The following ALPK1 variants were observed in gnomAD, a reference collection of about 807,000 sequenced individuals.
The protein encoded by ALPK1 is alpha-protein kinase 1.
ALPK1 carries 110 observed loss-of-function variants against 120.6 expected under a neutral mutation model. The observed-to-expected ratio is 0.91, with a 90% CI of 0.78 to 1.07. ALPK1 has a LOEUF of 1.07. Ranked by LOEUF, ALPK1 falls within the 50% of genes least tolerant of loss-of-function variation. The pLI, the probability that ALPK1 is intolerant of heterozygous loss-of-function variation, is 0.00. For missense variants in ALPK1, 1,498 were observed against 1,483.9 expected, an observed-to-expected ratio of 1.01 and a Z score of -0.16; for synonymous variants, 582 against 560.3, an observed-to-expected ratio of 1.04 and a Z score of -0.55.
At chr4:112,326,786 T>C (rs1341263224) in intron 2 of ALPK1, among the ~76,000 whole-genome samples, 1 of 152,178 alleles carries the variant, frequency 6.6e-6, no homozygotes, top group Non-Finnish European at 1.5e-5. Flanking sequence ...AATCTAGGCA[T>C]TGTTGATTGA....
At chr4:112,340,166 G>T (rs992599305) in intron 2 of ALPK1, among the ~76,000 whole-genome samples, 3 of 152,230 alleles carry the variant, frequency 2.0e-5, no homozygotes, top group Admixed American at 6.5e-5. Context: ...CTGCTGCTGT[G>T]GCCACATGTA....
chr4:112,426,813 A>T (rs1243694598), intron 8 of ALPK1, among the ~76,000 whole-genome samples: 1 of 152,154 alleles, frequency 6.6e-6, no homozygotes, highest in East Asian at 1.9e-4. Context: ...CCATTCATTT[A>T]TCTGTTTTGT....
At chr4:112,309,626 G>T (rs1728307371) in intron 1 of ALPK1, among the ~76,000 whole-genome samples, 3 of 152,036 alleles carry the variant, frequency 2.0e-5, no homozygotes, top group South Asian at 2.1e-4. Flanking sequence ...CATTGCTCAC[G>T]CTGGGAGCTG....
intron 4 of ALPK1, among the ~76,000 whole-genome samples, chr4:112,387,167 A>C (rs891337192): frequency 5.9e-5 from 9 of 152,194 alleles, no homozygotes; most frequent in African/African-American, 1.9e-4. Flanking sequence ...GATGCCGGGG[A>C]AGGACTCAAC....
chr4:112,346,154 C>T lies in ALPK1; in HGVS notation c.-101+30302C>T, dbSNP rs72896927. On this transcript the variant is annotated intron_variant, in intron 2 of 15. Transcript: ENST00000650871. ...CTGGGATTACAGGTGTGAGCCACCA[C>T]GTCCAGCTGATATGAACTCTTTTTA... Among the ~76,000 whole-genome samples, 1,150 of 152,312 alleles carry T rather than the reference C, an allele frequency of 7.6e-3. 18 individuals carry two copies. The highest frequency in any genetic ancestry group is 0.026 in the African/African-American group (1,089 of 41,564).
intron 2 of ALPK1, among the ~76,000 whole-genome samples, chr4:112,330,498 G>T (rs1729319101): frequency 1.3e-5 from 2 of 152,116 alleles, no homozygotes; most frequent in South Asian, 4.1e-4. Flanking sequence ...ATTGGCTACG[G>T]TCCTTGTTTT....
intron 1 of ALPK1, among the ~76,000 whole-genome samples, chr4:112,311,555 T>C (rs1728401028): frequency 6.6e-6 from 1 of 152,228 alleles, no homozygotes; most frequent in Non-Finnish European, 1.5e-5. Context: ...CTGCCAATTC[T>C]CTGTTTAGAT....
chr4:112,364,542 A>G (rs1036522447), intron 2 of ALPK1, among the ~76,000 whole-genome samples: 12 of 152,148 alleles, frequency 7.9e-5, no homozygotes, highest in African/African-American at 2.7e-4. Flanking sequence ...AAGACCAATA[A>G]CAAGCAGTGA....
chr4:112,327,508 C>A (rs569738502), intron 2 of ALPK1, among the ~76,000 whole-genome samples: 1 of 152,284 alleles, frequency 6.6e-6, no homozygotes, highest in African/African-American at 2.4e-5. Flanking sequence ...TATCATAGCT[C>A]ACTATAACCT....
intron 4 of ALPK1, among the ~76,000 whole-genome samples, chr4:112,408,321 A>T (rs1733289020): frequency 6.6e-6 from 1 of 152,196 alleles, no homozygotes; most frequent in Non-Finnish European, 1.5e-5. Flanking sequence ...GTAGCTGAAG[A>T]TACAAAACAA....
In ALPK1 at chr4:112,430,919, A is replaced by G. The variant is rs73841022; in HGVS notation, c.1372A>G (p.Thr458Ala). 36,617 of 1,614,184 alleles carry G rather than the reference A, an allele frequency of 0.023. 492 individuals carry two copies. Among genetic ancestry groups the G allele is most frequent in the Middle Eastern group, 0.044 (266 of 6,062 alleles). The change falls in exon 11 of 16, where the codon ACC becomes GCC. Residue 458 changes from threonine to alanine, a missense_variant. By Grantham distance (58) the Thr-to-Ala change is moderately conservative. Coordinates refer to ENST00000650871, the MANE Select transcript of ALPK1 (RefSeq NM_025144.4). Reference protein sequence around the residue: ...GQGDFQKILDTYSQHHTSVCE... With the variant: ...GQGDFQKILDAYSQHHTSVCE... ...AGGGGATTTCCAAAAAATCCTTGAC[A>G]CCTATTCACAGCACCATACTTCGGT... is the stretch of plus-strand genomic sequence containing the variant.
At chr4:112,321,769 T>A (rs1360897450) in intron 2 of ALPK1, among the ~76,000 whole-genome samples, 1 of 152,228 alleles carries the variant, frequency 6.6e-6, no homozygotes, top group Non-Finnish European at 1.5e-5. Context: ...GAAATGAAAT[T>A]CAAATACGAG....
intron 5 of ALPK1, among the ~76,000 whole-genome samples, chr4:112,421,301 C>G (rs1032973280): frequency 6.6e-6 from 1 of 152,034 alleles, no homozygotes; most frequent in Non-Finnish European, 1.5e-5. Context: ...AAAAAAAATG[C>G]CTACATTTAT....
At chr4:112,414,232 A>G (rs775061459) in intron 5 of ALPK1, 7 of 480,606 alleles carry the variant, frequency 1.5e-5, no homozygotes, top group South Asian at 9.1e-5. Context: ...GCTATTATCC[A>G]TCTGATCCAG....
In ALPK1 at chr4:112,377,879, C is replaced by A. The variant is rs543243733; in HGVS notation, c.102C>A (p.Ser34Arg). 8.1e-6 allele frequency: 13 copies of A among 1,612,622 alleles called. No homozygotes were observed. The East Asian group carries it at 2.9e-4, about 36-fold the overall frequency. ...EAPDVSEEDK[S>R]EDQRCRALLP... is the part of the protein sequence containing the mutation. ...CAGATGTGTCGGAAGAGGACAAGAG[C>A]GAGGACCAGCGCTGCAGAGGTGAGG... The change falls in exon 3 of 16, where the codon AGC becomes AGA. Residue 34 changes from serine to arginine, a missense_variant. Transcript: ENST00000650871.
intron 2 of ALPK1, among the ~76,000 whole-genome samples, chr4:112,326,260 T>C (rs1255774120): frequency 6.6e-6 from 1 of 152,190 alleles, no homozygotes; most frequent in African/African-American, 2.4e-5. Context: ...GATTAAATGC[T>C]GGAAGGAACA....
At chr4:112,428,581 A>G (rs1197583747) in intron 9 of ALPK1, among the ~76,000 whole-genome samples, 1 of 152,096 alleles carries the variant, frequency 6.6e-6, no homozygotes, top group Non-Finnish European at 1.5e-5. Context: ...CTTCCTTCCC[A>G]TCCTGGGCCT....
intron 4 of ALPK1, among the ~76,000 whole-genome samples, chr4:112,402,052 C>G (rs1488682481): frequency 6.6e-6 from 1 of 152,196 alleles, no homozygotes; most frequent in Non-Finnish European, 1.5e-5. Context: ...ATCTGTACCA[C>G]TTTCACTCTG....
intron 2 of ALPK1, chr4:112,357,814 A>T: frequency 9.7e-7 from 1 of 1,028,226 alleles, no homozygotes; most frequent in Non-Finnish European, 1.5e-6. Context: ...ATATCCCATC[A>T]TGGAAAAGAG....
Sources: gnomAD v4.1 joint callset for allele counts (sites outside exome capture counted in the v4.1 genomes callset) on GRCh38, gnomAD v4.1.1 for gene constraint, MANE v1.5 for transcripts, NCBI Gene and HGNC (gene_info 2026-07-23, HGNC 2026-07-21) for gene names.